Variants in TFB1M observed in about 807,000 individuals in gnomAD.
TFB1M encodes the protein dimethyladenosine transferase 1, mitochondrial.
A neutral mutation model predicts 31.1 loss-of-function variants in TFB1M; 27 were observed. The ratio of observed to expected loss-of-function variants is 0.87; its 90% CI spans 0.64 to 1.20. The LOEUF is 1.20. TFB1M is among the 50% of genes most tolerant of loss of function. TFB1M has a pLI of 0.00. For missense variants in TFB1M, 394 were observed against 418.7 expected, an observed-to-expected ratio of 0.94 and a Z score of 0.51; for synonymous variants, 166 against 151.8, an observed-to-expected ratio of 1.09 and a Z score of -0.69.
At chr6:155,240,387 G>A in the TFB1M span, 2 of 753,368 alleles carry the variant, frequency 2.7e-6, no homozygotes, top group Non-Finnish European at 4.0e-6. Context: ...AGGGGTTTGA[G>A]GTGAATGAAA....
intron 5 of TFB1M, among the ~76,000 whole-genome samples, chr6:155,267,381 T>C (rs951762787): frequency 6.6e-6 from 1 of 152,238 alleles, no homozygotes; most frequent in Non-Finnish European, 1.5e-5. Flanking sequence ...AATGTTTTAT[T>C]TGGGAAGCAA....
chr6:155,295,899 T>C (rs1416695745), intron 4 of TFB1M, among the ~76,000 whole-genome samples: 1 of 152,208 alleles, frequency 6.6e-6, no homozygotes, highest in Admixed American at 6.5e-5. Flanking sequence ...ATGCAAATAC[T>C]ACACTGTTTG....
rs775125166 is a variant in TFB1M at position 155,257,076 on chromosome 6, C to G, written c.*760G>C. The stretch of plus-strand genomic sequence containing the variant: ...GTGTCCAGAGTTTAACATCTGTTGT[C>G]AGTGAGGAGTGTTTTTATGAAACAG... On this transcript the variant is annotated 3_prime_UTR_variant, in exon 7 of 7. Transcript: ENST00000367166. The G allele has an allele frequency of 6.2e-7, 1 of 1,612,708 alleles. No homozygotes were observed. The highest frequency in any genetic ancestry group is 8.5e-7 in the Non-Finnish European group (1 of 1,179,818).
chr6:155,245,248 C>A, the TFB1M span, among the ~76,000 whole-genome samples: 4 of 152,346 alleles, frequency 2.6e-5, no homozygotes, highest in African/African-American at 7.2e-5. Context: ...GGAAGCCCCT[C>A]CAAGGGGACC....
At chr6:155,275,095 G>C (rs577750277) in intron 5 of TFB1M, among the ~76,000 whole-genome samples, 1 of 151,780 alleles carries the variant, frequency 6.6e-6, no homozygotes, top group African/African-American at 2.4e-5. Flanking sequence ...GCATGGTGGC[G>C]GGCGCCTGTA....
the TFB1M span, among the ~76,000 whole-genome samples, chr6:155,248,786 T>A: frequency 6.6e-6 from 1 of 152,216 alleles, no homozygotes; most frequent in Non-Finnish European, 1.5e-5. Context: ...AAGAGGGGCT[T>A]TATTTGGGTT....
At chr6:155,240,480 C>T in the TFB1M span, 23 of 1,550,032 alleles carry the variant, frequency 1.5e-5, no homozygotes, top group Non-Finnish European at 1.8e-5. Context: ...GCAGCGGATA[C>T]TATCAGGGAG....
chr6:155,248,408 C>T, the TFB1M span, among the ~76,000 whole-genome samples: 17 of 152,322 alleles, frequency 1.1e-4, no homozygotes, highest in African/African-American at 4.1e-4. Flanking sequence ...ATGATCTCAT[C>T]CGGGTAGCGC....
At chr6:155,313,580 T>C (rs1778111617) in intron 1 of TFB1M, among the ~76,000 whole-genome samples, 1 of 152,206 alleles carries the variant, frequency 6.6e-6, no homozygotes, top group Non-Finnish European at 1.5e-5. Flanking sequence ...AATATATAAA[T>C]ACATTCGTCA....
intron 4 of TFB1M, among the ~76,000 whole-genome samples, chr6:155,296,031 A>T (rs1452626212): frequency 6.6e-6 from 1 of 152,072 alleles, no homozygotes; most frequent in South Asian, 2.1e-4. Flanking sequence ...AAATTTTTTT[A>T]AAAAACCACT....
At chr6:155,313,838 A>G (rs1778123248) in intron 1 of TFB1M, among the ~76,000 whole-genome samples, 1 of 152,236 alleles carries the variant, frequency 6.6e-6, no homozygotes, top group African/African-American at 2.4e-5. Flanking sequence ...AAACGTTTAA[A>G]AAACGAATCA....
At chr6:155,286,257 G>T (rs953017829) in intron 4 of TFB1M, among the ~76,000 whole-genome samples, 1 of 151,988 alleles carries the variant, frequency 6.6e-6, no homozygotes, top group Non-Finnish European at 1.5e-5. Context: ...TTAACAATAA[G>T]TGAAAAGCAA....
At chr6:155,284,586 A>G (rs1776536043) in intron 5 of TFB1M, among the ~76,000 whole-genome samples, 1 of 152,214 alleles carries the variant, frequency 6.6e-6, no homozygotes, top group African/African-American at 2.4e-5. Flanking sequence ...TTTTGCTAAA[A>G]CAGACAACGG....
intron 2 of TFB1M, chr6:155,303,279 T>G (rs1213175553): frequency 6.6e-6 from 1 of 152,212 alleles, no homozygotes; most frequent in Non-Finnish European, 1.5e-5. Flanking sequence ...TTTCACCCTT[T>G]TCTTGATGAC....
the TFB1M span, chr6:155,247,960 C>T: frequency 6.3e-7 from 1 of 1,589,440 alleles, no homozygotes; most frequent in Non-Finnish European, 8.6e-7. Context: ...TAATTCACCC[C>T]ACTGTGCTCT....
At position 155,257,392 on chromosome 6, in the gene TFB1M, C is replaced by CTAA; in HGVS notation, c.*441_*443dup. On this transcript the variant is annotated 3_prime_UTR_variant, in exon 7 of 7. Coordinates refer to ENST00000367166, the MANE Select transcript of TFB1M (RefSeq NM_016020.4). ...GATTTAGGATCCTTAAAATTACATT[C>CTAA]TAATAATTAAGTTATGTGGAAAAAG... The CTAA allele has an allele frequency of 2.5e-6, 1 of 407,596 alleles. No homozygotes were observed. 25.2% of individuals were successfully genotyped at this position (407,596 alleles called of 1,614,324 possible). A position where few individuals can be genotyped will look rare whatever the true frequency, so the allele number is the denominator to read the frequency against.
chr6:155,234,960 A>G, the TFB1M span, among the ~76,000 whole-genome samples: 1 of 152,022 alleles, frequency 6.6e-6, no homozygotes. Flanking sequence ...GGCTGTGCGG[A>G]CAGCTAGAGA....
intron 5 of TFB1M, among the ~76,000 whole-genome samples, chr6:155,281,460 G>A (rs531266000): frequency 8.0e-4 from 122 of 152,310 alleles, no homozygotes; most frequent in African/African-American, 2.8e-3. Flanking sequence ...GGTGGCTCAT[G>A]CCTGTAATCC....
chr6:155,270,314 A>G (rs1238695208), intron 5 of TFB1M, among the ~76,000 whole-genome samples: 1 of 152,170 alleles, frequency 6.6e-6, no homozygotes, highest in East Asian at 1.9e-4. Flanking sequence ...GCTGGGCAAG[A>G]GATTTAAGCT....
Sources: allele counts gnomAD v4.1 joint callset (sites outside exome capture counted in the v4.1 genomes callset), GRCh38; gene constraint gnomAD v4.1.1; transcripts MANE v1.5; gene names NCBI Gene and HGNC (gene_info 2026-07-23, HGNC 2026-07-21).